Variants in CEP83 observed in about 807,000 individuals in gnomAD.
CEP83 encodes centrosomal protein of 83 kDa.
Under a neutral mutation model 101.9 loss-of-function variants are expected in CEP83, and 70 were observed. That is an observed-to-expected ratio of 0.69 (90% CI 0.57 to 0.84). The LOEUF (loss-of-function observed/expected upper bound fraction) is 0.84. Among genes scored for constraint, CEP83 ranks in the 40% least tolerant of loss-of-function variants. The pLI, the probability that CEP83 is intolerant of heterozygous loss-of-function variation, is 0.00. For missense variants in CEP83, 715 were observed against 787.2 expected, an observed-to-expected ratio of 0.91 and a Z score of 1.10; for synonymous variants, 264 against 267.9, an observed-to-expected ratio of 0.99 and a Z score of 0.14.
intron 1 of CEP83, among the ~76,000 whole-genome samples, chr12:94,459,158 T>C (rs1332807083): frequency 1.3e-5 from 2 of 152,204 alleles, no homozygotes; most frequent in Non-Finnish European, 2.9e-5. Flanking sequence ...TTGATTATGG[T>C]CAAAAGTTGG....
chr12:94,360,385 C>T (rs2060691199), intron 11 of CEP83, among the ~76,000 whole-genome samples: 1 of 151,826 alleles, frequency 6.6e-6, no homozygotes, highest in Admixed American at 6.6e-5. Flanking sequence ...CCTAAAGATC[C>T]CACCAAAAAG....
At chr12:94,371,393 TTAGG>T (rs923973539) in intron 8 of CEP83, among the ~76,000 whole-genome samples, 1 of 152,122 alleles carries the variant, frequency 6.6e-6, no homozygotes, top group African/African-American at 2.4e-5. Flanking sequence ...TGCACAAGTA[TTAGG>T]TAGGGGATTG....
At chr12:94,322,142 A>G (rs1261151246) in intron 14 of CEP83, among the ~76,000 whole-genome samples, 2 of 152,104 alleles carry the variant, frequency 1.3e-5, no homozygotes, top group East Asian at 3.9e-4. Context: ...TAACAGGATC[A>G]GGGACCCACA....
chr12:94,315,346 T>A lies in CEP83; in HGVS notation c.1708-2329A>T, dbSNP rs540482937. ...TCCTGATAGCTAAAGGTATTGAGCA[T>A]CTTTTTTTATGCATGTTAGTCATCT... On this transcript the variant is annotated intron_variant, in intron 14 of 16. Coordinates refer to ENST00000397809, the MANE Select transcript of CEP83 (RefSeq NM_016122.3). Among the ~76,000 whole-genome samples, 3 of 152,284 alleles carry A rather than the reference T, an allele frequency of 2.0e-5. No individual in the cohort carries two copies. The East Asian group carries it at 5.8e-4, about 29-fold the overall frequency.
At chr12:94,349,984 C>G (rs2060127402) in intron 11 of CEP83, among the ~76,000 whole-genome samples, 1 of 152,130 alleles carries the variant, frequency 6.6e-6, no homozygotes, top group Non-Finnish European at 1.5e-5. Flanking sequence ...ACGCTGCTAA[C>G]AGAAATTAAA....
chr12:94,305,446 A>G, downstream of CEP83: 1 of 588,722 alleles, frequency 1.7e-6, no homozygotes, highest in South Asian at 2.1e-5. Context: ...GCTTTTAGAA[A>G]GCATACCAAC....
At chr12:94,430,411 A>G (rs1293402516) in intron 2 of CEP83, among the ~76,000 whole-genome samples, 1 of 152,104 alleles carries the variant, frequency 6.6e-6, no homozygotes, top group Non-Finnish European at 1.5e-5. Flanking sequence ...GAAATTTATG[A>G]AAAAGATAGG....
At chr12:94,406,716 T>C (rs1337678039) in intron 4 of CEP83, among the ~76,000 whole-genome samples, 2 of 151,956 alleles carry the variant, frequency 1.3e-5, no homozygotes. Flanking sequence ...GCTCAGGAGA[T>C]TGAGACCATC....
intron 6 of CEP83, among the ~76,000 whole-genome samples, chr12:94,387,386 T>C (rs2062214624): frequency 6.6e-6 from 1 of 152,170 alleles, no homozygotes; most frequent in African/African-American, 2.4e-5. Flanking sequence ...CTAGGTTGCA[T>C]GCTCCTTATG....
chr12:94,336,459 A>C (rs2059451796), intron 11 of CEP83, among the ~76,000 whole-genome samples: 2 of 152,224 alleles, frequency 1.3e-5, no homozygotes, highest in Admixed American at 1.3e-4. Context: ...TATCTGCCCA[A>C]GTAGAATGTG....
At chr12:94,412,692 TC>T (rs2063967380) in intron 2 of CEP83, 101 bp from the exon 3 acceptor site, 39 of 340,834 alleles carry the variant, frequency 1.1e-4, no homozygotes, top group East Asian at 1.0e-3. Context: ...CTTTTTTTTT[TC>T]TTTTTTTTTT....
At chr12:94,312,488 T>C (rs1970016197) in intron 15 of CEP83, 2 of 627,000 alleles carry the variant, frequency 3.2e-6, no homozygotes, top group African/African-American at 2.0e-5. Flanking sequence ...CTGATGATCC[T>C]GATTATCAGA....
intron 2 of CEP83, among the ~76,000 whole-genome samples, chr12:94,420,580 T>G (rs1483233631): frequency 1.3e-5 from 2 of 152,176 alleles, no homozygotes; most frequent in East Asian, 1.9e-4. Flanking sequence ...TGCATGGTTT[T>G]TTTTGTTTTG....
intron 14 of CEP83, among the ~76,000 whole-genome samples, chr12:94,325,453 G>C (rs76412589): frequency 6.6e-6 from 1 of 151,908 alleles, no homozygotes; most frequent in African/African-American, 2.4e-5. Flanking sequence ...GATTACAGGC[G>C]TGAGTCACCG....
downstream of CEP83, chr12:94,306,458 C>A (rs150903094): frequency 1.7e-4 from 26 of 152,220 alleles, no homozygotes; most frequent in Middle Eastern, 6.8e-3. Context: ...ATACTGTAGT[C>A]TTTTTAGTGC....
intron 1 of CEP83, among the ~76,000 whole-genome samples, chr12:94,449,779 T>TAAAAAAAAAA (rs71071787): frequency 1.9e-4 from 9 of 48,564 alleles, no homozygotes; most frequent in Admixed American, 2.9e-4. Flanking sequence ...TCTCAAACAA[T>TAAAAAAAAAA]AAAAAAAAAA....
chr12:94,296,505 C>T, the CEP83 span, among the ~76,000 whole-genome samples: 1 of 152,176 alleles, frequency 6.6e-6, no homozygotes, highest in African/African-American at 2.4e-5. Flanking sequence ...CCTCTCTTCC[C>T]TCCATTTACC....
chr12:94,412,507 G>A lies in CEP83; in HGVS notation c.-17C>T. On this transcript the variant is annotated 5_prime_UTR_variant, in exon 3 of 17. Transcript: ENST00000397809. The stretch of plus-strand genomic sequence containing the variant: ...GACAACCATGTAAAAATAAGTTTTG[G>A]CTTTCTTACTGTTTTAGTTTTCTTT... The A allele has an allele frequency of 1.2e-6, 2 of 1,606,860 alleles. No individual in the cohort carries two copies. Among genetic ancestry groups the A allele is most frequent in the Admixed American group, 1.7e-5 (1 of 58,620 alleles).
chr12:94,279,894 T>C, the CEP83 span: 9 of 651,002 alleles, frequency 1.4e-5, no homozygotes, highest in Non-Finnish European at 8.5e-6. Flanking sequence ...TCTTTAAATA[T>C]TACGTCTGTA....
Sources: allele counts gnomAD v4.1 joint callset (sites outside exome capture counted in the v4.1 genomes callset), GRCh38; gene constraint gnomAD v4.1.1; transcripts MANE v1.5; gene names NCBI Gene and HGNC (gene_info 2026-07-23, HGNC 2026-07-21).